Variants in CDK15 observed in about 807,000 individuals in gnomAD.
CDK15 encodes cyclin dependent kinase 15.
CDK15 carries 62 observed loss-of-function variants against 60.3 expected under a neutral mutation model. That is an observed-to-expected ratio of 1.03 (90% CI 0.84 to 1.27). The LOEUF is 1.27. Ranked by LOEUF, CDK15 falls within the 50% of genes most tolerant of loss-of-function variation. The pLI, the probability that CDK15 is intolerant of heterozygous loss-of-function variation, is 0.00. For missense variants in CDK15, 541 were observed against 527.8 expected (o/e 1.03, Z -0.25); for synonymous variants, 194 against 195.7 (o/e 0.99, Z 0.07).
chr2:201,887,503 CTTTT>C lies in CDK15; in HGVS notation c.1199-3279_1199-3276del, dbSNP rs369471127. Among the ~76,000 whole-genome samples the C allele has an allele frequency of 3.3e-3, 505 of 152,246 alleles. 4 individuals are homozygous for C. Among genetic ancestry groups the C allele is most frequent in the African/African-American group, 0.011 (470 of 41,570 alleles). Reference sequence around the variant, plus strand: ...AGAGTCAAAGGACCTGAGTTTTCTTCTTTTTTGTTTCCCAACATAATGTGTTTTG... The same window carrying C: ...AGAGTCAAAGGACCTGAGTTTTCTTCTTGTTTCCCAACATAATGTGTTTTG... On this transcript the variant is annotated intron_variant, in intron 12 of 13. Transcript: ENST00000652192.
At chr2:201,865,526 A>AGGG (rs1420822119) in intron 10 of CDK15, among the ~76,000 whole-genome samples, 12 of 152,218 alleles carry the variant, frequency 7.9e-5, no homozygotes, top group African/African-American at 2.9e-4. Flanking sequence ...AGGTTGAACA[A>AGGG]TGCCAAGGAG....
intron 11 of CDK15, 42 bp downstream of exon 11, chr2:201,872,368 G>A (rs925812141): frequency 2.5e-6 from 4 of 1,594,572 alleles, no homozygotes; most frequent in Non-Finnish European, 2.6e-6. Flanking sequence ...GGATCTTTAA[G>A]CAGGATTGGA....
chr2:201,881,740 G>A (rs957425517), intron 12 of CDK15, among the ~76,000 whole-genome samples: 1 of 151,978 alleles, frequency 6.6e-6, no homozygotes, highest in Non-Finnish European at 1.5e-5. Flanking sequence ...TGGTACCTCT[G>A]CCCCCACTTC....
chr2:201,881,271 G>A (rs1699269150), intron 12 of CDK15, among the ~76,000 whole-genome samples: 1 of 152,194 alleles, frequency 6.6e-6, no homozygotes, highest in African/African-American at 2.4e-5. Context: ...TATGACTAAA[G>A]TGAGTCATTT....
At chr2:201,876,288 G>A (rs1269863104) in intron 11 of CDK15, among the ~76,000 whole-genome samples, 10 of 152,202 alleles carry the variant, frequency 6.6e-5, no homozygotes, top group East Asian at 1.9e-4. Flanking sequence ...ATACAAACAC[G>A]GAAGATGTCA....
At chr2:201,828,180 C>G (rs988385198) in intron 6 of CDK15, among the ~76,000 whole-genome samples, 1 of 152,142 alleles carries the variant, frequency 6.6e-6, no homozygotes, top group African/African-American at 2.4e-5. Context: ...GTTGAGGTCC[C>G]AGGTGAGACA....
intron 11 of CDK15, among the ~76,000 whole-genome samples, chr2:201,875,417 A>G (rs1699038988): frequency 6.6e-6 from 1 of 152,150 alleles, no homozygotes; most frequent in South Asian, 2.1e-4. Context: ...ATACTTTAAC[A>G]TGTTGTATAT....
chr2:201,830,622 G>A (rs1301873454), intron 6 of CDK15, among the ~76,000 whole-genome samples: 1 of 152,132 alleles, frequency 6.6e-6, no homozygotes, highest in African/African-American at 2.4e-5. Context: ...GGCTAGAGCT[G>A]TTCTCATGGG....
intron 6 of CDK15, among the ~76,000 whole-genome samples, chr2:201,832,431 T>C (rs1014256691): frequency 3.9e-5 from 6 of 152,222 alleles, no homozygotes; most frequent in Admixed American, 3.3e-4. Flanking sequence ...ACCTTTTCCA[T>C]GGACATTTAT....
At chr2:201,861,637 C>T (rs377749501) in intron 10 of CDK15, 23 of 600,654 alleles carry the variant, frequency 3.8e-5, no homozygotes, top group South Asian at 1.5e-4. Flanking sequence ...CTCGGCTCAC[C>T]GCAGCCTCCG....
intron 3 of CDK15, among the ~76,000 whole-genome samples, chr2:201,809,247 A>G (rs987130338): frequency 6.6e-6 from 1 of 152,072 alleles, no homozygotes; most frequent in Admixed American, 6.5e-5. Flanking sequence ...GACACTTCTG[A>G]TCCTCTCTTC....
At chr2:201,842,727 A>C (rs1243805427) in intron 8 of CDK15, among the ~76,000 whole-genome samples, 1 of 152,172 alleles carries the variant, frequency 6.6e-6, no homozygotes, top group Non-Finnish European at 1.5e-5. Flanking sequence ...TAGGAGGAGA[A>C]CCAGAAAGAG....
chr2:201,844,592 T>C (rs945263815), intron 8 of CDK15, among the ~76,000 whole-genome samples: 2 of 152,234 alleles, frequency 1.3e-5, no homozygotes, highest in Non-Finnish European at 2.9e-5. Flanking sequence ...ATTCATAAGT[T>C]ACATTTATCT....
chr2:201,893,018 T>C (rs1699685580), intron 13 of CDK15, among the ~76,000 whole-genome samples: 1 of 152,174 alleles, frequency 6.6e-6, no homozygotes. Flanking sequence ...CAGTAAGGGC[T>C]TTACACATAT....
At chr2:201,889,943 C>T (rs553191753) in intron 12 of CDK15, among the ~76,000 whole-genome samples, 4 of 150,648 alleles carry the variant, frequency 2.7e-5, no homozygotes, top group South Asian at 2.1e-4. Context: ...CCAGCTACTG[C>T]GAGGCTGAGG....
rs1670626973 is a variant in CDK15, at chr2:201,861,671, C to T, written c.1009+6734C>T. The T allele has an allele frequency of 9.6e-6, 3 of 313,210 alleles. No homozygotes were observed. The South Asian group carries it at 3.7e-4, about 39-fold the overall frequency. The allele number at this position is 313,210 out of a possible 1,614,324, so 19.4% of individuals were successfully genotyped here. A position where few individuals can be genotyped will look rare whatever the true frequency, so the allele number is the denominator to read the frequency against. On this transcript the variant is annotated intron_variant, in intron 10 of 13. Coordinates refer to ENST00000652192, the MANE Select transcript of CDK15 (RefSeq NM_001366386.2). ...CGCCTCCTGGGTACAAGCGGTTCTC[C>T]TGCTTCAGCCTCCCGAGTAGGTGGG...
chr2:201,861,534 G>GT (rs1012531999), intron 10 of CDK15: 31 of 713,988 alleles, frequency 4.3e-5, no homozygotes, highest in African/African-American at 3.0e-4. Context: ...TTCCCATTCA[G>GT]TTTTTTTTGT....
intron 6 of CDK15, chr2:201,824,820 G>A (rs779148051): frequency 2.2e-5 from 14 of 635,440 alleles, no homozygotes; most frequent in South Asian, 9.0e-5. Flanking sequence ...CTGAAGGACA[G>A]TGTTACAGCA....
At chr2:201,853,152 C>G (rs750326937) in intron 9 of CDK15, among the ~76,000 whole-genome samples, 10 of 152,130 alleles carry the variant, frequency 6.6e-5, no homozygotes, top group Non-Finnish European at 1.3e-4. Flanking sequence ...TTTCTTGTCC[C>G]CTGGCCTTCT....
Sources: gnomAD v4.1 joint callset for allele counts (sites outside exome capture counted in the v4.1 genomes callset) on GRCh38, gnomAD v4.1.1 for gene constraint, MANE v1.5 for transcripts, NCBI Gene and HGNC (gene_info 2026-07-23, HGNC 2026-07-21) for gene names.